Variants in SPPL2A observed in about 807,000 individuals in gnomAD.
The protein encoded by SPPL2A is signal peptide peptidase-like 2A.
In SPPL2A, 51 loss-of-function variants were observed where a neutral mutation model predicts 63.8. The ratio of observed to expected loss-of-function variants is 0.80; its 90% CI spans 0.64 to 1.01. The LOEUF (loss-of-function observed/expected upper bound fraction) is 1.01, where lower values mean the gene tolerates loss of function less well. Ranked by LOEUF, SPPL2A falls within the 50% of genes least tolerant of loss-of-function variation. The probability of loss-of-function intolerance (pLI) is 0.00; values close to 1 mark genes in which losing one functional copy is unlikely to be tolerated. For synonymous variants in SPPL2A, 188 were observed against 205.8 expected, an observed-to-expected ratio of 0.91 and a Z score of 0.74; for missense variants, 553 against 622.7, an observed-to-expected ratio of 0.89 and a Z score of 1.19.
intron 4 of SPPL2A, among the ~76,000 whole-genome samples, 175 bp from the exon 5 acceptor site, chr15:50,747,803 T>C (rs2062870937): frequency 6.6e-6 from 1 of 152,240 alleles, no homozygotes; most frequent in Admixed American, 6.5e-5. Context: ...GATGATATGC[T>C]TTGGTTTATA....
chr15:50,752,786 G>T (rs1244059572), intron 1 of SPPL2A, among the ~76,000 whole-genome samples: 2 of 150,924 alleles, frequency 1.3e-5, no homozygotes, highest in South Asian at 2.1e-4. Context: ...TTTGACACAG[G>T]TATCCTAGGC....
intron 5 of SPPL2A, among the ~76,000 whole-genome samples, chr15:50,744,858 G>A (rs1041099162): frequency 1.3e-5 from 2 of 152,092 alleles, no homozygotes; most frequent in Non-Finnish European, 2.9e-5. Context: ...GTGGCTATGG[G>A]GGCAGTAGGG....
intron 12 of SPPL2A, among the ~76,000 whole-genome samples, chr15:50,722,962 A>C (rs2062659244): frequency 6.6e-6 from 1 of 152,186 alleles, no homozygotes; most frequent in African/African-American, 2.4e-5. Context: ...CAAACAACTC[A>C]ATAATAAGTA....
intron 9 of SPPL2A, 104 bp downstream of exon 9, chr15:50,732,499 A>G: frequency 1.5e-6 from 1 of 654,318 alleles, no homozygotes. Flanking sequence ...TTTCATAAAC[A>G]GTACGCCAAA....
At chr15:50,761,998 C>T (rs12914895) in intron 1 of SPPL2A, among the ~76,000 whole-genome samples, 6 of 151,770 alleles carry the variant, frequency 4.0e-5, no homozygotes, top group Non-Finnish European at 7.4e-5. Context: ...CCCATGACTG[C>T]GTCCACACTG....
intron 13 of SPPL2A, among the ~76,000 whole-genome samples, chr15:50,721,870 T>C (rs2062649959): frequency 6.6e-6 from 1 of 152,170 alleles, no homozygotes; most frequent in Non-Finnish European, 1.5e-5. Flanking sequence ...CCTCCCAAAG[T>C]GCTGGGCTTA....
chr15:50,726,968 G>A (rs62018799), intron 10 of SPPL2A, among the ~76,000 whole-genome samples: 5,230 of 152,214 alleles, frequency 0.034, 112 homozygotes, highest in Middle Eastern at 0.1. Context: ...AGCCCTGCCT[G>A]CTTTCTATGA....
At chr15:50,741,075 G>T (rs534726324) in intron 5 of SPPL2A, among the ~76,000 whole-genome samples, 1 of 151,846 alleles carries the variant, frequency 6.6e-6, no homozygotes, top group Admixed American at 6.6e-5. Context: ...CCCTTGCTAG[G>T]CCACAGAGCT....
In SPPL2A at chr15:50,749,349, A is replaced by G. The variant is rs143010002; in HGVS notation, c.177+287T>C. 6.9e-3 allele frequency among the ~76,000 whole-genome samples: 1,049 copies of G among 152,076 alleles called. 8 individuals carry two copies. The highest frequency in any genetic ancestry group is 0.02 in the Middle Eastern group (6 of 294). ...GTTGCCCAGGCTGGAGTGCAGTGGC[A>G]TGATCTCAGCTCACTGCAAGCTCTG... On this transcript the variant is annotated intron_variant, in intron 2 of 14. Coordinates refer to ENST00000261854, the MANE Select transcript of SPPL2A (RefSeq NM_032802.4).
At chr15:50,738,549 CAAA>C (rs373037772) in intron 6 of SPPL2A, among the ~76,000 whole-genome samples, 4 of 97,592 alleles carry the variant, frequency 4.1e-5, no homozygotes, top group African/African-American at 1.6e-4. Context: ...ACTCTGTTTC[CAAA>C]AAAAAAAAAA....
rs192545008 is a variant in SPPL2A, at chr15:50,758,457, C to T, written c.66+7011G>A. Reference sequence around the variant, plus strand: ...ACGCCATTCTCCTGCCTCAGCCTCCCGAGTTGCTGGGACAAGAGCAGGTGC... The same window carrying T: ...ACGCCATTCTCCTGCCTCAGCCTCCTGAGTTGCTGGGACAAGAGCAGGTGC... On this transcript the variant is annotated intron_variant, in intron 1 of 14. Transcript: ENST00000261854. Among the ~76,000 whole-genome samples, 8 of 151,534 alleles carry T rather than the reference C, an allele frequency of 5.3e-5. No individual in the cohort carries two copies. The East Asian group carries it at 7.9e-4, about 15-fold the overall frequency.
chr15:50,754,274 T>G (rs77807579), intron 1 of SPPL2A, among the ~76,000 whole-genome samples: 4,627 of 152,230 alleles, frequency 0.03, 230 homozygotes, highest in African/African-American at 0.11. Context: ...CATTGACACA[T>G]CGTCATCATC....
chr15:50,734,602 A>G (rs950399669), intron 8 of SPPL2A, among the ~76,000 whole-genome samples: 5 of 152,204 alleles, frequency 3.3e-5, no homozygotes, highest in Non-Finnish European at 7.3e-5. Context: ...AATAAGATCT[A>G]GTGTTTGGTA....
chr15:50,752,240 T>C (rs1163495381), intron 1 of SPPL2A, among the ~76,000 whole-genome samples: 1 of 152,138 alleles, frequency 6.6e-6, no homozygotes, highest in Non-Finnish European at 1.5e-5. Flanking sequence ...CGATGGTTTG[T>C]CTGATATTCA....
chr15:50,752,352 C>T (rs965006661), intron 1 of SPPL2A, among the ~76,000 whole-genome samples: 2 of 151,358 alleles, frequency 1.3e-5, no homozygotes, highest in African/African-American at 4.8e-5. Context: ...GAGGCTGAGG[C>T]GGGTGGATCT....
intron 14 of SPPL2A, among the ~76,000 whole-genome samples, chr15:50,708,204 G>C (rs1194537909): frequency 6.6e-6 from 1 of 152,112 alleles, no homozygotes; most frequent in Non-Finnish European, 1.5e-5. Flanking sequence ...CTTATTCCAG[G>C]ACACTATTCC....
At chr15:50,724,167 G>A (rs12900658) in intron 12 of SPPL2A, among the ~76,000 whole-genome samples, 56,618 of 152,004 alleles carry the variant, frequency 0.37, 10,721 homozygotes, top group East Asian at 0.57. Context: ...GCAAGGCAAC[G>A]CTGCTAGCTT....
intron 13 of SPPL2A, 104 bp from the exon 14 acceptor site, chr15:50,720,204 T>G: frequency 2.3e-6 from 2 of 856,972 alleles, no homozygotes; most frequent in Non-Finnish European, 1.8e-6. Context: ...CTGAGGATAT[T>G]TTTGCTCTAT....
Position 50,706,408 on chromosome 15 carries a change from A to AAAAAAAG in SPPL2A, c.*1391_*1392insCTTTTTT, listed in dbSNP as rs2062509939. ...CCGTCTCAAAAAAAAAAAAAAAAAA[A>AAAAAAAG]AAAAGAAAACTGAGATACAAGGTCT... is the stretch of plus-strand genomic sequence containing the variant. On this transcript the variant is annotated 3_prime_UTR_variant, in exon 15 of 15. Transcript: ENST00000261854. The AAAAAAAG allele has an allele frequency of 6.8e-6, 1 of 147,654 alleles. No homozygotes were observed. The highest frequency in any genetic ancestry group is 2.6e-5 in the African/African-American group (1 of 37,914). The allele number at this position is 147,654 out of a possible 1,614,324, so 9.1% of individuals were successfully genotyped here.
Sources: gnomAD v4.1 joint callset for allele counts (sites outside exome capture counted in the v4.1 genomes callset) on GRCh38, gnomAD v4.1.1 for gene constraint, MANE v1.5 for transcripts, NCBI Gene and HGNC (gene_info 2026-07-23, HGNC 2026-07-21) for gene names.